The following TMEM267 variants were observed in gnomAD, a reference collection of about 807,000 sequenced individuals.
The protein encoded by TMEM267 is transmembrane protein C5orf28.
TMEM267 carries 20 observed loss-of-function variants against 19.3 expected under a neutral mutation model. That is an observed-to-expected ratio of 1.04 (90% CI 0.73 to 1.51). The LOEUF is 1.51. Among genes scored for constraint, TMEM267 ranks in the 40% most tolerant of loss-of-function variants. The pLI is 0.00. For missense variants in TMEM267, 242 were observed against 261.9 expected, an observed-to-expected ratio of 0.92 and a Z score of 0.52; for synonymous variants, 88 against 90.3, an observed-to-expected ratio of 0.97 and a Z score of 0.15.
chr5:43,447,153 C>T (rs189812119), intron 2 of TMEM267, among the ~76,000 whole-genome samples: 20 of 150,192 alleles, frequency 1.3e-4, no homozygotes, highest in Middle Eastern at 3.4e-3. Flanking sequence ...AGTGCGGTGG[C>T]GCAATCTCGG....
At chr5:43,468,333 T>C (rs1304105753) in intron 1 of TMEM267, among the ~76,000 whole-genome samples, 5 of 152,218 alleles carry the variant, frequency 3.3e-5, no homozygotes, top group East Asian at 1.9e-4. Flanking sequence ...TATCGGTTAA[T>C]TGCATTCTTG....
rs566212263 is a variant in TMEM267 at position 43,467,173 on chromosome 5, G to T, written c.-74-13130C>A. On this transcript the variant is annotated intron_variant, in intron 1 of 2. Coordinates refer to ENST00000397080, the MANE Select transcript of TMEM267 (RefSeq NM_022483.5). ...AAAAAAAAAAAAAAAAAAAAAGAAG[G>T]AAGAAAAGACCATAAAACAACCAAA... Among the ~76,000 whole-genome samples the T allele has an allele frequency of 4.9e-3, 724 of 147,878 alleles. 6 individuals carry two copies. The highest frequency in any genetic ancestry group is 9.1e-3 in the Non-Finnish European group (610 of 67,068).
intron 1 of TMEM267, among the ~76,000 whole-genome samples, chr5:43,457,709 A>G (rs1743031624): frequency 6.6e-6 from 1 of 152,226 alleles, no homozygotes; most frequent in African/African-American, 2.4e-5. Flanking sequence ...AATCCAAACC[A>G]TATCAGTTTA....
chr5:43,450,793 A>G (rs917483670), intron 2 of TMEM267, among the ~76,000 whole-genome samples: 2 of 152,212 alleles, frequency 1.3e-5, no homozygotes, highest in African/African-American at 4.8e-5. Context: ...AATGTTTCAT[A>G]GCTTATCCCA....
At chr5:43,482,065 G>C (rs375264264) in intron 1 of TMEM267, among the ~76,000 whole-genome samples, 2 of 152,148 alleles carry the variant, frequency 1.3e-5, no homozygotes, top group Non-Finnish European at 2.9e-5. Context: ...GGATGGTCTC[G>C]ATCTCCTGAT....
At chr5:43,452,839 A>G (rs1742695942) in intron 2 of TMEM267, among the ~76,000 whole-genome samples, 1 of 152,236 alleles carries the variant, frequency 6.6e-6, no homozygotes, top group Non-Finnish European at 1.5e-5. Flanking sequence ...CATTCATTCC[A>G]CAAATATTTC....
chr5:43,449,046 C>T (rs144016650), intron 2 of TMEM267, among the ~76,000 whole-genome samples: 341 of 151,688 alleles, frequency 2.2e-3, no homozygotes, highest in African/African-American at 7.8e-3. Flanking sequence ...TAATAAATGA[C>T]TATATAGCAA....
intron 2 of TMEM267, among the ~76,000 whole-genome samples, chr5:43,451,846 G>A (rs1038592839): frequency 2.2e-4 from 34 of 152,014 alleles, no homozygotes; most frequent in Non-Finnish European, 3.4e-4. Flanking sequence ...AGGTTGAGGC[G>A]GGAGGATCAC....
chr5:43,448,193 C>G (rs1261464275), intron 2 of TMEM267, among the ~76,000 whole-genome samples: 2 of 152,192 alleles, frequency 1.3e-5, no homozygotes, highest in East Asian at 3.9e-4. Context: ...ACGGTCTGAA[C>G]ATCAAAGAGT....
chr5:43,445,173 A>G lies in TMEM267; in HGVS notation c.*1049T>C, dbSNP rs1462555574. On this transcript the variant is annotated 3_prime_UTR_variant, in exon 3 of 3. Coordinates refer to ENST00000397080, the MANE Select transcript of TMEM267 (RefSeq NM_022483.5). ...AGCAACTAAATTTTCCTTCTCTAAT[A>G]AAGAGGAATCATTTTAATAGAAGAT... 1.3e-5 allele frequency: 2 copies of G among 152,212 alleles called. No homozygotes were observed. The highest frequency in any genetic ancestry group is 6.5e-5 in the Admixed American group (1 of 15,280). The allele number at this position is 152,212 out of a possible 1,614,324, so 9.4% of individuals were successfully genotyped here.
intron 1 of TMEM267, among the ~76,000 whole-genome samples, chr5:43,464,754 T>G (rs1012940457): frequency 1.3e-5 from 2 of 152,236 alleles, no homozygotes; most frequent in African/African-American, 4.8e-5. Flanking sequence ...GCTAGCCATA[T>G]GTAGAAAGCT....
chr5:43,453,876 C>G lies in TMEM267; in HGVS notation c.94G>C (p.Val32Leu), dbSNP rs148412581. 24 of 1,613,942 alleles carry G rather than the reference C, an allele frequency of 1.5e-5. No individual in the cohort carries two copies. The African/African-American group carries it at 2.8e-4, about 19-fold the overall frequency. Reference sequence around the variant, plus strand: ...GAAAACTGAAGAAGTCTGTCAGCTACGAGGCAAAATGCCCCCAGACCAAGG... The same window carrying G: ...GAAAACTGAAGAAGTCTGTCAGCTAGGAGGCAAAATGCCCCCAGACCAAGG... The part of the protein sequence containing the change: ...SSLGLGAFCL[V>L]ADRLLQFSTI... Residue 32 changes from valine to leucine, a missense_variant, in exon 2 of 3, where the codon GTA becomes CTA. Val to Leu is a conservative substitution (Grantham distance 32, BLOSUM62 1). Coordinates refer to ENST00000397080, the MANE Select transcript of TMEM267 (RefSeq NM_022483.5).
chr5:43,480,108 A>G, intron 1 of TMEM267: 1 of 253,794 alleles, frequency 3.9e-6, no homozygotes, highest in South Asian at 3.7e-5. Context: ...TGAAACAGGG[A>G]CACTGAAAAC....
At chr5:43,468,238 AT>A (rs1385611710) in intron 1 of TMEM267, among the ~76,000 whole-genome samples, 1 of 152,206 alleles carries the variant, frequency 6.6e-6, no homozygotes, top group African/African-American at 2.4e-5. Flanking sequence ...CTTTAAGACT[AT>A]TACAAGGTGA....
At chr5:43,453,327 G>A (rs1415532224) in intron 2 of TMEM267, among the ~76,000 whole-genome samples, 1 of 152,210 alleles carries the variant, frequency 6.6e-6, no homozygotes, top group Non-Finnish European at 1.5e-5. Flanking sequence ...GGACAGCCTT[G>A]AGAATCACCC....
At chr5:43,468,296 C>G (rs1743868598) in intron 1 of TMEM267, among the ~76,000 whole-genome samples, 1 of 152,154 alleles carries the variant, frequency 6.6e-6, no homozygotes, top group Non-Finnish European at 1.5e-5. Context: ...TTCCTGGGAA[C>G]TGCGGATATA....
chr5:43,474,275 A>T (rs1579827227), intron 1 of TMEM267, among the ~76,000 whole-genome samples: 2 of 152,240 alleles, frequency 1.3e-5, no homozygotes, highest in South Asian at 4.1e-4. Flanking sequence ...TAATTAAACG[A>T]AAGAGCTTCT....
At chr5:43,482,661 C>A (rs1391708535) in intron 1 of TMEM267, among the ~76,000 whole-genome samples, 1 of 152,188 alleles carries the variant, frequency 6.6e-6, no homozygotes, top group African/African-American at 2.4e-5. Context: ...GGGATAGCTT[C>A]TCTGACATAA....
At position 43,444,539 on chromosome 5, in the gene TMEM267, T is replaced by C. The variant is rs1179936319; in HGVS notation, c.*1683A>G. ...ACCTGCCTGCCTCGGCCTCCCAAAG[T>C]GTTGGGATTACAGGCGTGAGCCACC... On this transcript the variant is annotated 3_prime_UTR_variant, in exon 3 of 3. Transcript: ENST00000397080. The C allele has an allele frequency of 2.6e-5, 4 of 152,210 alleles. No individual in the cohort carries two copies. 9.4% of individuals were successfully genotyped at this position (152,210 alleles called of 1,614,324 possible).
Sources: allele counts gnomAD v4.1 joint callset (sites outside exome capture counted in the v4.1 genomes callset), GRCh38; gene constraint gnomAD v4.1.1; transcripts MANE v1.5; gene names NCBI Gene and HGNC (gene_info 2026-07-23, HGNC 2026-07-21).